Variants in PPP4R3A observed in about 807,000 individuals in gnomAD.
The protein encoded by PPP4R3A is protein phosphatase 4 regulatory subunit 3A, also known as serine/threonine-protein phosphatase 4 regulatory subunit 3A.
A neutral mutation model predicts 91.7 loss-of-function variants in PPP4R3A; 15 were observed. The observed-to-expected ratio is 0.16, with a 90% confidence interval of 0.11 to 0.25. The LOEUF (loss-of-function observed/expected upper bound fraction) is 0.25. PPP4R3A is among the 10% of genes least tolerant of loss of function. The probability of loss-of-function intolerance (pLI) is 1.00; values close to 1 mark genes in which losing one functional copy is unlikely to be tolerated. For missense variants in PPP4R3A, 623 were observed against 998.4 expected, an observed-to-expected ratio of 0.62 and a Z score of 5.07; for synonymous variants, 377 against 348.7, an observed-to-expected ratio of 1.08 and a Z score of -0.91.
intron 10 of PPP4R3A, among the ~76,000 whole-genome samples, chr14:91,466,050 T>C (rs548836686): frequency 1.3e-5 from 2 of 152,336 alleles, no homozygotes; most frequent in South Asian, 2.1e-4. Flanking sequence ...AATTTTTTTC[T>C]AGTTTTCATT....
chr14:91,497,078 G>A (rs1890620132), intron 1 of PPP4R3A, among the ~76,000 whole-genome samples: 1 of 152,148 alleles, frequency 6.6e-6, no homozygotes, highest in Non-Finnish European at 1.5e-5. Context: ...AACTTTAGGA[G>A]AGGAATTTAT....
intron 7 of PPP4R3A, chr14:91,475,406 AT>A (rs1258285143): frequency 5.6e-6 from 1 of 177,008 alleles, no homozygotes; most frequent in Non-Finnish European, 1.2e-5. Flanking sequence ...CACCCTTCAT[AT>A]TTTAAGGGAC....
In PPP4R3A at chr14:91,509,694, G is replaced by A. The variant is rs1262539188; in HGVS notation, c.-47C>T. On this transcript the variant is annotated 5_prime_UTR_variant, in exon 1 of 15. Coordinates refer to ENST00000554943, the MANE Select transcript of PPP4R3A (RefSeq NM_001366432.2). The stretch of plus-strand genomic sequence containing the variant: ...CGGGGGCCCCGCCAGTAGACGCCCA[G>A]GAAAGGGGCCCTGGAGAGGCGAGGG... 2.0e-5 allele frequency: 31 copies of A among 1,578,350 alleles called. No homozygotes were observed. The highest frequency in any genetic ancestry group is 2.6e-5 in the Non-Finnish European group (30 of 1,170,102).
At chr14:91,501,671 G>A (rs1890968232) in intron 1 of PPP4R3A, among the ~76,000 whole-genome samples, 2 of 150,942 alleles carry the variant, frequency 1.3e-5, no homozygotes, top group South Asian at 4.2e-4. Context: ...AAGTCAATGG[G>A]GCCCAAAATC....
At chr14:91,467,868 T>C (rs1888570088) in intron 10 of PPP4R3A, among the ~76,000 whole-genome samples, 1 of 152,226 alleles carries the variant, frequency 6.6e-6, no homozygotes, top group South Asian at 2.1e-4. Context: ...CATTTATATA[T>C]GTGCACCTAA....
chr14:91,471,404 T>C (rs568235711), intron 9 of PPP4R3A, among the ~76,000 whole-genome samples: 172 of 152,324 alleles, frequency 1.1e-3, no homozygotes, highest in Non-Finnish European at 2.1e-3. Flanking sequence ...GTGCAATTAC[T>C]CTCTCTCCCT....
chr14:91,500,096 A>T (rs1388144007), intron 1 of PPP4R3A, among the ~76,000 whole-genome samples: 1 of 152,260 alleles, frequency 6.6e-6, no homozygotes, highest in Non-Finnish European at 1.5e-5. Context: ...AGTTAATACA[A>T]CAAGATTTAT....
At chr14:91,491,166 C>T (rs1890214610) in intron 1 of PPP4R3A, among the ~76,000 whole-genome samples, 1 of 152,038 alleles carries the variant, frequency 6.6e-6, no homozygotes, top group South Asian at 2.1e-4. Flanking sequence ...CTCGGCCTCC[C>T]AAGGTGCTGG....
intron 9 of PPP4R3A, among the ~76,000 whole-genome samples, chr14:91,472,706 T>C (rs1888928321): frequency 6.6e-6 from 1 of 152,118 alleles, no homozygotes; most frequent in African/African-American, 2.4e-5. Flanking sequence ...CCTGACCTCA[T>C]GATCCGCTTG....
At chr14:91,509,146 G>A (rs903351292) in intron 1 of PPP4R3A, among the ~76,000 whole-genome samples, 1 of 152,214 alleles carries the variant, frequency 6.6e-6, no homozygotes, top group African/African-American at 2.4e-5. Context: ...AACTAAGGCA[G>A]CAGATCGGAT....
At chr14:91,461,771 T>G (rs949709539) in intron 13 of PPP4R3A, 164 bp from the exon 14 acceptor site, 5 of 843,224 alleles carry the variant, frequency 5.9e-6, no homozygotes, top group Non-Finnish European at 8.9e-6. Context: ...ACAATTCCAT[T>G]CATTGGATCT....
intron 9 of PPP4R3A, 27 bp downstream of exon 9, chr14:91,473,006 C>G: frequency 1.2e-6 from 2 of 1,602,112 alleles, no homozygotes; most frequent in Non-Finnish European, 1.7e-6. Flanking sequence ...GAACAGAGAA[C>G]TTAACTACCA....
Position 91,463,340 on chromosome 14 carries a change from C to T in PPP4R3A, c.1831-463G>A, listed in dbSNP as rs1337197642. Among the ~76,000 whole-genome samples the T allele has an allele frequency of 5.9e-5, 9 of 152,244 alleles. No individual in the cohort carries two copies. The East Asian group carries it at 1.4e-3, about 23-fold the overall frequency. Reference sequence around the variant, plus strand: ...TCGGCCTCCCAAAGTGCTGGGATTACAGGTGCGAGCCACTGCACCCAGCTA... The same window carrying T: ...TCGGCCTCCCAAAGTGCTGGGATTATAGGTGCGAGCCACTGCACCCAGCTA... On this transcript the variant is annotated intron_variant, in intron 11 of 14. Coordinates refer to ENST00000554943, the MANE Select transcript of PPP4R3A (RefSeq NM_001366432.2).
At chr14:91,471,094 T>G (rs1888803246) in intron 9 of PPP4R3A, 99 bp from the exon 10 acceptor site, 3 of 1,127,632 alleles carry the variant, frequency 2.7e-6, no homozygotes, top group South Asian at 1.7e-5. Flanking sequence ...TCTCTTCTAT[T>G]AACCTAAATA....
At chr14:91,506,534 A>T (rs1264171089) in intron 1 of PPP4R3A, among the ~76,000 whole-genome samples, 1 of 152,024 alleles carries the variant, frequency 6.6e-6, no homozygotes, top group Non-Finnish European at 1.5e-5. Context: ...GTATCCTGGA[A>T]TTTTTTCTAA....
Position 91,475,823 on chromosome 14 carries a change from T to G in PPP4R3A, c.1254A>C (p.Lys418Asn), listed in dbSNP as rs749129628. The G allele has an allele frequency of 6.2e-7, 1 of 1,613,734 alleles. No homozygotes were observed. The highest frequency in any genetic ancestry group is 8.5e-7 in the Non-Finnish European group (1 of 1,179,858). The change falls in exon 7 of 15, where the codon AAA (lysine) becomes AAC (asparagine). Residue 418 changes from lysine (K) to asparagine (N), a missense_variant. Physicochemically the swap from Lys to Asn is moderately conservative, Grantham distance 94. Coordinates refer to ENST00000554943, the MANE Select transcript of PPP4R3A (RefSeq NM_001366432.2). ...DDVSKKLTEQ[K>N]ITSKDILLIN... ...AAATAATATTTACCTTGCTGGTTAT[T>G]TTTTGCTCTGTTAACTTCTTACTTA...
At chr14:91,489,962 C>A (rs1016363215) in intron 2 of PPP4R3A, among the ~76,000 whole-genome samples, 6 of 152,220 alleles carry the variant, frequency 3.9e-5, no homozygotes, top group Non-Finnish European at 8.8e-5. Context: ...ATACTAACTT[C>A]TTTCTAGTAT....
intron 1 of PPP4R3A, among the ~76,000 whole-genome samples, chr14:91,504,495 G>C (rs568090361): frequency 6.6e-6 from 1 of 151,810 alleles, no homozygotes; most frequent in African/African-American, 2.4e-5. Context: ...TCAGCTACTC[G>C]TAAGGCTGAG....
chr14:91,480,906 G>C (rs572483300), intron 4 of PPP4R3A, among the ~76,000 whole-genome samples: 42 of 152,042 alleles, frequency 2.8e-4, no homozygotes, highest in African/African-American at 9.2e-4. Context: ...ATGGTAGCAT[G>C]CATCTGTAGT....
Sources: allele counts gnomAD v4.1 joint callset (sites outside exome capture counted in the v4.1 genomes callset), GRCh38; gene constraint gnomAD v4.1.1; transcripts MANE v1.5; gene names NCBI Gene and HGNC (gene_info 2026-07-23, HGNC 2026-07-21).